Variants in LITAF observed in about 807,000 individuals in gnomAD.
LITAF encodes the protein lipopolysaccharide induced TNF factor, also known as lipopolysaccharide-induced tumor necrosis factor-alpha factor.
LITAF carries 9 observed loss-of-function variants against 14.5 expected under a neutral mutation model. The observed-to-expected ratio is 0.62, with a 90% CI of 0.37 to 1.08. LITAF has a LOEUF of 1.08. Ranked by LOEUF, LITAF falls within the 50% of genes least tolerant of loss-of-function variation. LITAF has a pLI of 0.01. For synonymous variants in LITAF, 98 were observed against 88.2 expected (o/e 1.11, Z -0.62); for missense variants, 206 against 213.4 (o/e 0.97, Z 0.22).
intron 3 of LITAF, among the ~76,000 whole-genome samples, chr16:11,606,820 G>C (rs917467654): frequency 5.3e-5 from 8 of 152,070 alleles, no homozygotes; most frequent in African/African-American, 1.7e-4. Flanking sequence ...TGTATTTTTA[G>C]TAGAGGTGGG....
upstream of LITAF, among the ~76,000 whole-genome samples, chr16:11,603,131 G>T (rs935640978): frequency 6.6e-5 from 10 of 152,082 alleles, no homozygotes; most frequent in Non-Finnish European, 1.3e-4. Context: ...AAAAATAAAA[G>T]GAAGAACACA....
At chr16:11,556,260 G>T (rs9940410) in intron 2 of LITAF, 5 of 545,592 alleles carry the variant, frequency 9.2e-6, no homozygotes, top group Non-Finnish European at 1.6e-5. Context: ...GTGCCTCCAA[G>T]AGATGTGCCA....
chr16:11,595,794 T>C (rs2064881025), intron 1 of LITAF, among the ~76,000 whole-genome samples: 1 of 152,192 alleles, frequency 6.6e-6, no homozygotes, highest in Admixed American at 6.6e-5. Flanking sequence ...TTAATCTGAA[T>C]TGCAGAGAAG....
At chr16:11,606,552 T>C (rs772330166) in intron 3 of LITAF, among the ~76,000 whole-genome samples, 31 of 152,316 alleles carry the variant, frequency 2.0e-4, no homozygotes, top group Middle Eastern at 6.8e-3. Flanking sequence ...TAATTTTATA[T>C]GCACTGGAAA....
intron 3 of LITAF, among the ~76,000 whole-genome samples, chr16:11,552,246 G>A (rs1021867017): frequency 7.2e-5 from 11 of 152,170 alleles, no homozygotes; most frequent in African/African-American, 2.2e-4. Context: ...AGTGGCTCAC[G>A]TGGCCAGGTA....
At chr16:11,601,042 G>A (rs965086373), upstream of LITAF, among the ~76,000 whole-genome samples, 4 of 151,818 alleles carry the variant, frequency 2.6e-5, no homozygotes, top group Non-Finnish European at 5.9e-5. Context: ...CCGCATCACC[G>A]GCACATGAAA....
chr16:11,573,117 A>G (rs1016975716), intron 1 of LITAF, among the ~76,000 whole-genome samples: 2 of 151,910 alleles, frequency 1.3e-5, no homozygotes, highest in African/African-American at 2.4e-5. Context: ...TTTGGTAGAG[A>G]TGGGGTCTCA....
chr16:11,578,396 A>G (rs2064677266), intron 1 of LITAF, among the ~76,000 whole-genome samples: 1 of 152,168 alleles, frequency 6.6e-6, no homozygotes, highest in South Asian at 2.1e-4. Flanking sequence ...GTCTATATAC[A>G]GGCACATGCC....
chr16:11,607,624 T>C (rs1259899798), intron 3 of LITAF, among the ~76,000 whole-genome samples: 1 of 152,100 alleles, frequency 6.6e-6, no homozygotes, highest in Non-Finnish European at 1.5e-5. Flanking sequence ...GTTTTGTTGG[T>C]ATCTCTGTAA....
chr16:11,612,862 G>A (rs2064991226), intron 3 of LITAF, among the ~76,000 whole-genome samples: 1 of 152,098 alleles, frequency 6.6e-6, no homozygotes, highest in African/African-American at 2.4e-5. Context: ...ACCATCTCAG[G>A]GACTCCCATG....
At chr16:11,608,967 CA>C (rs2064968434) in intron 3 of LITAF, among the ~76,000 whole-genome samples, 1 of 78,890 alleles carries the variant, frequency 1.3e-5, no homozygotes, top group Admixed American at 1.6e-4. Context: ...ACAAAAAAAA[CA>C]AAACAAACAA....
chr16:11,561,787 C>A (rs2064370542), intron 1 of LITAF, among the ~76,000 whole-genome samples: 1 of 151,540 alleles, frequency 6.6e-6, no homozygotes, highest in Admixed American at 6.6e-5. Flanking sequence ...ACCAACCATC[C>A]CTCTCCTCAT....
chr16:11,620,252 A>G (rs2065041915), intron 3 of LITAF, among the ~76,000 whole-genome samples: 1 of 151,798 alleles, frequency 6.6e-6, no homozygotes, highest in African/African-American at 2.4e-5. Context: ...AGGTGTTTGG[A>G]TCATGGAAGC....
chr16:11,563,153 T>C (rs2141750775), intron 1 of LITAF, among the ~76,000 whole-genome samples: 1 of 126,974 alleles, frequency 7.9e-6, no homozygotes, highest in Admixed American at 9.8e-5. Flanking sequence ...ATAATAATAA[T>C]AATTTTTTTT....
At chr16:11,631,658 G>A (rs1018883437) in intron 3 of LITAF, among the ~76,000 whole-genome samples, 1 of 152,148 alleles carries the variant, frequency 6.6e-6, no homozygotes, top group African/African-American at 2.4e-5. Context: ...CCAAAGTGCT[G>A]GGATTACAGG....
chr16:11,583,263 C>A (rs573802055), intron 1 of LITAF, among the ~76,000 whole-genome samples: 10 of 152,172 alleles, frequency 6.6e-5, no homozygotes, highest in Non-Finnish European at 1.5e-4. Context: ...AATCTTAAAG[C>A]CAGGTTCAAG....
intron 1 of LITAF, among the ~76,000 whole-genome samples, chr16:11,583,798 C>CT (rs1161410095): frequency 6.6e-6 from 1 of 152,208 alleles, no homozygotes; most frequent in Non-Finnish European, 1.5e-5. Flanking sequence ...AAGCCTCCAG[C>CT]TTTGGATCCT....
At chr16:11,559,614 T>C (rs768765777) in intron 1 of LITAF, among the ~76,000 whole-genome samples, 3 of 152,020 alleles carry the variant, frequency 2.0e-5, no homozygotes, top group African/African-American at 4.8e-5. Flanking sequence ...ATTTCTTATA[T>C]TGATATATTA....
intron 1 of LITAF, among the ~76,000 whole-genome samples, chr16:11,568,521 C>T (rs564539274): frequency 6.6e-6 from 1 of 152,180 alleles, no homozygotes; most frequent in Admixed American, 6.5e-5. Flanking sequence ...GGGTATCAAG[C>T]AGATTCTGAG....
Sources: allele counts gnomAD v4.1 joint callset (sites outside exome capture counted in the v4.1 genomes callset), GRCh38; gene constraint gnomAD v4.1.1; transcripts MANE v1.5; gene names NCBI Gene and HGNC (gene_info 2026-07-23, HGNC 2026-07-21).